ZCCHC14: variants seen among roughly 807,000 people sequenced by gnomAD.
The protein encoded by ZCCHC14 is zinc finger CCHC domain-containing protein 14.
Under a neutral mutation model 85.0 loss-of-function variants are expected in ZCCHC14, and 16 were observed. That is an observed-to-expected ratio of 0.19 (90% CI 0.13 to 0.29). The LOEUF (loss-of-function observed/expected upper bound fraction) is 0.29, where lower values mean the gene tolerates loss of function less well. ZCCHC14 is among the 10% of genes least tolerant of loss of function. ZCCHC14 has a pLI of 1.00. For synonymous variants in ZCCHC14, 775 were observed against 630.7 expected (o/e 1.23, Z -3.43); for missense variants, 1,303 against 1,443.5 (o/e 0.90, Z 1.58).
At chr16:87,473,099 C>G (rs2150769884) in intron 1 of ZCCHC14, 1 of 152,344 alleles carries the variant, frequency 6.6e-6, no homozygotes, top group Admixed American at 6.5e-5. Context: ...AGGCTGCAGC[C>G]AGCACCCTCT....
chr16:87,479,360 T>G (rs2150774358), intron 1 of ZCCHC14, among the ~76,000 whole-genome samples: 1 of 149,664 alleles, frequency 6.7e-6, no homozygotes, highest in Admixed American at 6.7e-5. Flanking sequence ...AGGTTTGCAG[T>G]GAGCTGAGAT....
rs1908292090 is a variant in ZCCHC14, at chr16:87,408,327, TAA to T, written c.*1951_*1952del. Reference sequence around the variant, plus strand: ...CTTTGCTTAAAAAAACCAAAAAATTTAAAAGTTTGGCTTTCAGCACATATCCA... The same window carrying T: ...CTTTGCTTAAAAAAACCAAAAAATTTAAGTTTGGCTTTCAGCACATATCCA... On this transcript the variant is annotated 3_prime_UTR_variant, in exon 13 of 13. Transcript: ENST00000671377. The T allele has an allele frequency of 1.3e-5, 2 of 152,592 alleles. No homozygotes were observed. The highest frequency in any genetic ancestry group is 1.9e-4 in the East Asian group (1 of 5,188). 9.5% of individuals were successfully genotyped at this position (152,592 alleles called of 1,614,324 possible). A position where few individuals can be genotyped will look rare whatever the true frequency, so the allele number is the denominator to read the frequency against.
At chr16:87,438,767 G>C (rs1910050209) in intron 2 of ZCCHC14, among the ~76,000 whole-genome samples, 2 of 151,968 alleles carry the variant, frequency 1.3e-5, no homozygotes, top group Admixed American at 1.3e-4. Flanking sequence ...GGCATTCACA[G>C]GAGGCCCGGG....
rs202185343 is a variant in ZCCHC14, at chr16:87,412,989, A to G, written c.1745-13T>C. ...TGAATCTCCACACCTAGAGAGGGAA[A>G]CAAGAGTGGTCAGTGCCATTCCACA... is the stretch of plus-strand genomic sequence containing the variant. On this transcript the variant is annotated splice_polypyrimidine_tract_variant and intron_variant, in intron 11 of 12. Transcript: ENST00000671377. The G allele has an allele frequency of 5.6e-6, 9 of 1,613,548 alleles. No homozygotes were observed. In the East Asian group the frequency reaches 1.6e-4, roughly 28 times the overall value.
At chr16:87,419,730 C>T in intron 6 of ZCCHC14, 53 bp downstream of exon 6, 1 of 1,416,006 alleles carries the variant, frequency 7.1e-7, no homozygotes, top group Non-Finnish European at 9.5e-7. Flanking sequence ...GCCACTGCGC[C>T]CAGCTGTTTT....
intron 1 of ZCCHC14, among the ~76,000 whole-genome samples, chr16:87,468,665 GT>G (rs1457082816): frequency 1.3e-5 from 2 of 152,114 alleles, no homozygotes; most frequent in African/African-American, 4.8e-5. Flanking sequence ...CCCTAACCTA[GT>G]GGTTCTCAAC....
At chr16:87,410,730 G>A (rs1017839578) in intron 12 of ZCCHC14, among the ~76,000 whole-genome samples, 2 of 152,216 alleles carry the variant, frequency 1.3e-5, no homozygotes, top group Admixed American at 6.5e-5. Flanking sequence ...ACCCGGGCCC[G>A]CATGGCAGAG....
At chr16:87,426,687 C>A (rs1182797536) in intron 3 of ZCCHC14, among the ~76,000 whole-genome samples, 2 of 152,232 alleles carry the variant, frequency 1.3e-5, no homozygotes, top group African/African-American at 4.8e-5. Context: ...CCTAAGGGGA[C>A]AGGCAGCCCA....
chr16:87,423,600 G>A (rs2150730978), intron 4 of ZCCHC14, among the ~76,000 whole-genome samples: 1 of 152,286 alleles, frequency 6.6e-6, no homozygotes, highest in East Asian at 1.9e-4. Flanking sequence ...ACAAGTGAAG[G>A]AGGCATCCGC....
chr16:87,450,223 G>C (rs1322382570), intron 2 of ZCCHC14, among the ~76,000 whole-genome samples: 2 of 152,134 alleles, frequency 1.3e-5, no homozygotes, highest in East Asian at 3.8e-4. Flanking sequence ...TTAAAAATTG[G>C]AAAACTGTGT....
chr16:87,491,528 G>T lies in ZCCHC14; in HGVS notation c.570+141C>A. On this transcript the variant is annotated intron_variant, in intron 1 of 12. Transcript: ENST00000671377. This position sits in a 1 kb window ranked among gnomAD's most constrained non-coding sequence, Gnocchi z 5.9. ...GGGATACGGGCTGGGGGCTCGTGGT[G>T]CAGGTTGGAGACCTGGGTGGGAGCT... 1.5e-6 allele frequency: 1 copy of T among 673,164 alleles called. No homozygotes were observed. Among genetic ancestry groups the T allele is most frequent in the Non-Finnish European group, 2.2e-6 (1 of 462,144 alleles). 41.7% of individuals were successfully genotyped at this position (673,164 alleles called of 1,614,324 possible). A position where few individuals can be genotyped will look rare whatever the true frequency, so the allele number is the denominator to read the frequency against.
intron 1 of ZCCHC14, among the ~76,000 whole-genome samples, chr16:87,486,918 G>A (rs1292836453): frequency 6.6e-6 from 1 of 152,156 alleles, no homozygotes; most frequent in Admixed American, 6.5e-5. Context: ...GAGAGAGTCC[G>A]TTCTTATGGA....
rs1405532761 is a variant in ZCCHC14, at chr16:87,407,212, T to C, written c.*3068A>G. 6.6e-6 allele frequency: 1 copy of C among 152,200 alleles called. No individual in the cohort carries two copies. The highest frequency in any genetic ancestry group is 6.5e-5 in the Admixed American group (1 of 15,288). The allele number at this position is 152,200 out of a possible 1,614,324, so 9.4% of individuals were successfully genotyped here. ...AACTAACTGTGCTGACTTTGGGCAA[T>C]AAAGGACCTAGAATTCTAAGTACTG... On this transcript the variant is annotated 3_prime_UTR_variant, in exon 13 of 13. Coordinates refer to ENST00000671377, the MANE Select transcript of ZCCHC14 (RefSeq NM_015144.3).
chr16:87,434,638 C>T (rs1213811045), intron 2 of ZCCHC14, among the ~76,000 whole-genome samples: 1 of 152,252 alleles, frequency 6.6e-6, no homozygotes, highest in Non-Finnish European at 1.5e-5. Context: ...AGAGCCCTCT[C>T]CACGGGCGCC....
Position 87,444,056 on chromosome 16 carries a change from A to AAAAG in ZCCHC14, c.695-10859_695-10856dup, listed in dbSNP as rs998491053. ...TATCACAGAAAAAAAAAAAAAAAAA[A>AAAAG]AAAGAAAGAAAGAAAAGGAAAAACA... On this transcript the variant is annotated intron_variant, in intron 2 of 12. Transcript: ENST00000671377. 1.0e-4 allele frequency among the ~76,000 whole-genome samples: 15 copies of AAAAG among 150,644 alleles called. No homozygotes were observed. The South Asian group carries it at 1.0e-3, about 10-fold the overall frequency.
At chr16:87,440,843 G>C (rs1910148728) in intron 2 of ZCCHC14, among the ~76,000 whole-genome samples, 1 of 150,564 alleles carries the variant, frequency 6.6e-6, no homozygotes, top group East Asian at 2.0e-4. Flanking sequence ...TGGAACTCCT[G>C]GACTCAAGTG....
intron 1 of ZCCHC14, among the ~76,000 whole-genome samples, chr16:87,482,580 G>A (rs2878142): frequency 6.6e-6 from 1 of 152,062 alleles, no homozygotes; most frequent in African/African-American, 2.4e-5. Context: ...CCACAAAAAC[G>A]AACGAGAGGT....
chr16:87,446,235 G>A (rs1335616556), intron 2 of ZCCHC14, among the ~76,000 whole-genome samples: 2 of 151,610 alleles, frequency 1.3e-5, no homozygotes, highest in African/African-American at 4.9e-5. Flanking sequence ...TGTAATCCCA[G>A]CACTTTGGGA....
chr16:87,470,881 TTC>T (rs1911744346), intron 1 of ZCCHC14: 1 of 152,234 alleles, frequency 6.6e-6, no homozygotes, highest in African/African-American at 2.4e-5. Context: ...TATTTTATTT[TTC>T]TGTTTTCCAA....
Sources: allele counts gnomAD v4.1 joint callset (sites outside exome capture counted in the v4.1 genomes callset), GRCh38; gene constraint gnomAD v4.1.1; non-coding constraint Gnocchi (gnomAD v3.1); transcripts MANE v1.5; gene names NCBI Gene and HGNC (gene_info 2026-07-23, HGNC 2026-07-21).